Variants in CHRM3 observed in about 807,000 individuals in gnomAD.
CHRM3 encodes the protein muscarinic acetylcholine receptor M3.
A neutral mutation model predicts 41.8 loss-of-function variants in CHRM3; 11 were observed. The ratio of observed to expected loss-of-function variants is 0.26; its 90% CI spans 0.17 to 0.44. CHRM3 has a LOEUF of 0.44. CHRM3 is among the 20% of genes least tolerant of loss of function. The pLI is 1.00. For synonymous variants in CHRM3, 297 were observed against 301.4 expected (o/e 0.99, Z 0.15); for missense variants, 571 against 745.4 (o/e 0.77, Z 2.72).
chr1:239,805,417 G>A (rs141951287), intron 5 of CHRM3, among the ~76,000 whole-genome samples: 1 of 152,308 alleles, frequency 6.6e-6, no homozygotes, highest in African/African-American at 2.4e-5. Flanking sequence ...CTATCAGCAA[G>A]TACCTATTGA....
intron 2 of CHRM3, among the ~76,000 whole-genome samples, chr1:239,529,782 A>G (rs76700609): frequency 0.012 from 1,880 of 152,254 alleles, 31 homozygotes; most frequent in South Asian, 0.04. Flanking sequence ...ACGTTACTCT[A>G]TGCAGGTTCA....
At position 239,913,400 on chromosome 1, in the gene CHRM3, T is replaced by G. The variant is rs1680472229; in HGVS notation, c.*4176T>G. 1.2e-5 allele frequency: 2 copies of G among 167,076 alleles called. No homozygotes were observed. 10.3% of individuals were successfully genotyped at this position (167,076 alleles called of 1,614,324 possible). ...ACTTCTAGCACCTCCTCTGAAAGAATATTTTGCTCCAATACCACGTGCAAC... is the reference window on the plus strand; with the variant it reads ...ACTTCTAGCACCTCCTCTGAAAGAAGATTTTGCTCCAATACCACGTGCAAC... On this transcript the variant is annotated 3_prime_UTR_variant, in exon 7 of 7. Coordinates refer to ENST00000676153, the MANE Select transcript of CHRM3 (RefSeq NM_001375978.1).
At chr1:239,539,293 G>A (rs1014465092) in intron 2 of CHRM3, among the ~76,000 whole-genome samples, 2 of 152,146 alleles carry the variant, frequency 1.3e-5, no homozygotes, top group South Asian at 4.1e-4. Context: ...ATAAGAGAAT[G>A]TCAGTTGCTT....
chr1:239,614,481 G>A (rs1239535695), intron 3 of CHRM3, among the ~76,000 whole-genome samples: 4 of 152,090 alleles, frequency 2.6e-5, no homozygotes, highest in East Asian at 1.9e-4. Flanking sequence ...CCAAATGGGC[G>A]ATGGCACATA....
chr1:239,688,500 TTA>T (rs1447554725), intron 5 of CHRM3, among the ~76,000 whole-genome samples: 1 of 140,556 alleles, frequency 7.1e-6, no homozygotes, highest in Non-Finnish European at 1.5e-5. Context: ...ATAATATATA[TTA>T]TATATGTTTA....
intron 5 of CHRM3, among the ~76,000 whole-genome samples, chr1:239,774,087 T>C (rs138195989): frequency 2.0e-5 from 3 of 152,330 alleles, no homozygotes; most frequent in Admixed American, 2.0e-4. Flanking sequence ...CATGGGTTTA[T>C]TGGGAGGACT....
intron 6 of CHRM3, among the ~76,000 whole-genome samples, chr1:239,851,004 C>T (rs1674657103): frequency 6.6e-6 from 1 of 152,110 alleles, no homozygotes; most frequent in South Asian, 2.1e-4. Context: ...TTTATATCTG[C>T]TGTGAACCCC....
intron 5 of CHRM3, among the ~76,000 whole-genome samples, chr1:239,688,186 C>T (rs949050690): frequency 7.4e-6 from 1 of 134,590 alleles, no homozygotes; most frequent in Non-Finnish European, 1.7e-5. Context: ...ATAATATACA[C>T]ATACACATAC....
At chr1:239,838,206 G>A (rs753042026) in intron 6 of CHRM3, among the ~76,000 whole-genome samples, 1 of 152,046 alleles carries the variant, frequency 6.6e-6, no homozygotes, top group African/African-American at 2.4e-5. Flanking sequence ...TGAAGAAAGG[G>A]GTCTATCAGT....
At chr1:239,651,878 T>C (rs1672269172) in intron 4 of CHRM3, among the ~76,000 whole-genome samples, 1 of 151,916 alleles carries the variant, frequency 6.6e-6, no homozygotes. Flanking sequence ...CAAAGCAAGG[T>C]TGAGGGGAAA....
chr1:239,554,182 G>T (rs1438046845), intron 3 of CHRM3, among the ~76,000 whole-genome samples: 1 of 152,114 alleles, frequency 6.6e-6, no homozygotes. Flanking sequence ...TTTTAATAAA[G>T]AAGATAATTA....
chr1:239,689,623 T>C (rs1483894510), intron 5 of CHRM3, among the ~76,000 whole-genome samples: 1 of 152,092 alleles, frequency 6.6e-6, no homozygotes, highest in African/African-American at 2.4e-5. Flanking sequence ...CTTCAGAGAG[T>C]TTGCTTTCTC....
intron 5 of CHRM3, among the ~76,000 whole-genome samples, chr1:239,741,265 A>T (rs369154835): frequency 6.6e-6 from 1 of 152,212 alleles, no homozygotes; most frequent in South Asian, 2.1e-4. Flanking sequence ...GGACAAAAAA[A>T]GCATAATCTA....
chr1:239,431,834 A>G (rs1188244827), intron 1 of CHRM3, among the ~76,000 whole-genome samples: 1 of 152,180 alleles, frequency 6.6e-6, no homozygotes, highest in Non-Finnish European at 1.5e-5. Context: ...TGTTATTTCC[A>G]CGTTACTGTA....
chr1:239,661,616 G>A lies in CHRM3; in HGVS notation c.-249-16570G>A, dbSNP rs143287190. Among the ~76,000 whole-genome samples, 13 of 152,314 alleles carry A rather than the reference G, an allele frequency of 8.5e-5. No homozygotes were observed. The East Asian group carries it at 2.3e-3, about 27-fold the overall frequency. Reference sequence around the variant, plus strand: ...ATGATATTCTGGAAAAGGCAAAACTGTGGGGACAGTAAAATGATGACTGGT... The same window carrying A: ...ATGATATTCTGGAAAAGGCAAAACTATGGGGACAGTAAAATGATGACTGGT... On this transcript the variant is annotated intron_variant, in intron 4 of 6. Transcript: ENST00000676153.
chr1:239,897,670 G>A (rs992036938), intron 6 of CHRM3, among the ~76,000 whole-genome samples: 1 of 152,220 alleles, frequency 6.6e-6, no homozygotes, highest in Non-Finnish European at 1.5e-5. Flanking sequence ...TCAGCAACAA[G>A]GAGTCTGCCC....
intron 2 of CHRM3, among the ~76,000 whole-genome samples, chr1:239,530,571 C>T (rs1224373004): frequency 6.6e-6 from 1 of 152,160 alleles, no homozygotes; most frequent in East Asian, 1.9e-4. Context: ...CAGTGGATTT[C>T]AGTGGAGCTA....
intron 6 of CHRM3, among the ~76,000 whole-genome samples, chr1:239,829,408 T>C (rs1672724684): frequency 6.6e-6 from 1 of 151,776 alleles, no homozygotes; most frequent in Admixed American, 6.6e-5. Context: ...TGAATGATTT[T>C]TTTTTTTGAA....
chr1:239,663,969 C>T (rs189584226), intron 4 of CHRM3, among the ~76,000 whole-genome samples: 119 of 152,052 alleles, frequency 7.8e-4, no homozygotes, highest in African/African-American at 2.1e-3. Context: ...ATATGTGTAA[C>T]ACTTAAAGAA....
Sources: gnomAD v4.1 joint callset for allele counts (sites outside exome capture counted in the v4.1 genomes callset) on GRCh38, gnomAD v4.1.1 for gene constraint, MANE v1.5 for transcripts, NCBI Gene and HGNC (gene_info 2026-07-23, HGNC 2026-07-21) for gene names.